TMEM132B: variants seen among roughly 807,000 people sequenced by gnomAD.
The protein encoded by TMEM132B is transmembrane protein 132B.
A neutral mutation model predicts 90.8 loss-of-function variants in TMEM132B; 18 were observed. The observed-to-expected ratio is 0.20, with a 90% CI of 0.14 to 0.29. The LOEUF is 0.29. Ranked by LOEUF, TMEM132B falls within the 10% of genes least tolerant of loss-of-function variation. TMEM132B has a pLI of 1.00. For synonymous variants in TMEM132B, 504 were observed against 523.3 expected, an observed-to-expected ratio of 0.96 and a Z score of 0.50; for missense variants, 1,096 against 1,326.8, an observed-to-expected ratio of 0.83 and a Z score of 2.70.
chr12:125,576,750 A>G (rs1325112174), intron 4 of TMEM132B, among the ~76,000 whole-genome samples: 1 of 151,936 alleles, frequency 6.6e-6, no homozygotes, highest in East Asian at 1.9e-4. Context: ...CCTTTGTTCT[A>G]TAATTAAGGT....
chr12:125,494,205 A>C (rs1261982474), intron 3 of TMEM132B, among the ~76,000 whole-genome samples: 25 of 54,560 alleles, frequency 4.6e-4, no homozygotes, highest in South Asian at 7.2e-4. Flanking sequence ...CTGGAAATGG[A>C]TGCGTCCCCT....
At chr12:125,287,200 C>T (rs565381383) in intron 1 of TMEM132B, among the ~76,000 whole-genome samples, 6 of 152,088 alleles carry the variant, frequency 3.9e-5, no homozygotes, top group South Asian at 2.1e-4. Context: ...TCTGTGGCCC[C>T]GTCTCCTCTG....
At chr12:125,338,708 G>A (rs2136216964) in intron 1 of TMEM132B, among the ~76,000 whole-genome samples, 1 of 152,302 alleles carries the variant, frequency 6.6e-6, no homozygotes, top group Non-Finnish European at 1.5e-5. Context: ...TTCCTCTGCT[G>A]TCCTGCCCAT....
intron 5 of TMEM132B, among the ~76,000 whole-genome samples, chr12:125,607,093 C>T (rs142991229): frequency 1.3e-5 from 2 of 152,222 alleles, no homozygotes; most frequent in African/African-American, 4.8e-5. Flanking sequence ...GTACAGCCTG[C>T]GTATGCTCTG....
chr12:125,195,394 G>GTTTTT (rs36005995), intron 1 of TMEM132B, among the ~76,000 whole-genome samples: 13 of 89,900 alleles, frequency 1.4e-4, no homozygotes, highest in African/African-American at 1.7e-4. Context: ...GGGTTTGCGG[G>GTTTTT]TTTTTTTTTT....
At chr12:125,362,835 C>T (rs326407) in intron 2 of TMEM132B, among the ~76,000 whole-genome samples, 109,954 of 152,140 alleles carry the variant, frequency 0.72, 40,077 homozygotes, top group East Asian at 0.91. Flanking sequence ...AGCGTCCATG[C>T]TGACAACCCC....
intron 3 of TMEM132B, among the ~76,000 whole-genome samples, chr12:125,479,152 A>T (rs1360798829): frequency 1.3e-5 from 2 of 152,248 alleles, no homozygotes; most frequent in Non-Finnish European, 2.9e-5. Flanking sequence ...AGCCACTGCA[A>T]GAACATGCCA....
At position 125,529,597 on chromosome 12, in the gene TMEM132B, G is replaced by A. The variant is rs546800076; in HGVS notation, c.1293+9972G>A. Reference sequence around the variant, plus strand: ...ATTCAGACGGGGGTAGCCTCTGTCTGTGGAGTCTCCAGTGCTGAGTAGGGG... The same window carrying A: ...ATTCAGACGGGGGTAGCCTCTGTCTATGGAGTCTCCAGTGCTGAGTAGGGG... On this transcript the variant is annotated intron_variant, in intron 4 of 8. Transcript: ENST00000682704. Among the ~76,000 whole-genome samples, 268 of 152,266 alleles carry A rather than the reference G, an allele frequency of 1.8e-3. 2 individuals carry two copies. Among genetic ancestry groups the A allele is most frequent in the Non-Finnish European group, 1.4e-3 (96 of 68,018 alleles).
At chr12:125,276,497 C>T (rs976052030) in intron 1 of TMEM132B, among the ~76,000 whole-genome samples, 4 of 152,222 alleles carry the variant, frequency 2.6e-5, no homozygotes, top group African/African-American at 9.7e-5. Context: ...GACGAGTAGG[C>T]CATGGGCTAT....
At chr12:125,444,260 A>G (rs1386498935) in intron 3 of TMEM132B, among the ~76,000 whole-genome samples, 4 of 152,230 alleles carry the variant, frequency 2.6e-5, no homozygotes, top group Non-Finnish European at 5.9e-5. Context: ...ATTGAAAAAC[A>G]TGAAGTTCAA....
At chr12:125,302,913 A>G (rs577566380) in intron 1 of TMEM132B, among the ~76,000 whole-genome samples, 1 of 152,280 alleles carries the variant, frequency 6.6e-6, no homozygotes, top group African/African-American at 2.4e-5. Context: ...CCTGGCCAAC[A>G]TGGTGAAATC....
intron 4 of TMEM132B, among the ~76,000 whole-genome samples, chr12:125,566,485 A>G (rs1267198706): frequency 6.6e-6 from 1 of 152,210 alleles, no homozygotes. Context: ...CATTTCGAGC[A>G]TTTGCTGGAA....
intron 3 of TMEM132B, among the ~76,000 whole-genome samples, chr12:125,509,780 G>A (rs1299939634): frequency 6.6e-6 from 1 of 152,150 alleles, no homozygotes; most frequent in Non-Finnish European, 1.5e-5. Flanking sequence ...AGGTGAAGCT[G>A]CGAATGTTTG....
In TMEM132B at chr12:125,329,219, T is replaced by C. The variant is rs560308155; in HGVS notation, c.68-20233T>C. Reference sequence around the variant, plus strand: ...ATGCATGTCCATAAGGAAGAAGGCATGCACCAGACATCAAATCTGCTGGCG... The same window carrying C: ...ATGCATGTCCATAAGGAAGAAGGCACGCACCAGACATCAAATCTGCTGGCG... On this transcript the variant is annotated intron_variant, in intron 1 of 8. Coordinates refer to ENST00000682704, the MANE Select transcript of TMEM132B (RefSeq NM_001366854.1). Among the ~76,000 whole-genome samples the C allele has an allele frequency of 5.3e-5, 8 of 152,342 alleles. No homozygotes were observed. The East Asian group carries it at 1.5e-3, about 29-fold the overall frequency.
At chr12:125,472,003 G>A (rs1263247436) in intron 3 of TMEM132B, among the ~76,000 whole-genome samples, 2 of 152,158 alleles carry the variant, frequency 1.3e-5, no homozygotes, top group African/African-American at 4.8e-5. Flanking sequence ...ATACCTGGCA[G>A]AGTCTCAGAT....
intron 1 of TMEM132B, among the ~76,000 whole-genome samples, chr12:125,265,299 TTATATAGGCTGTTTTTTCTA>T (rs1874660640): frequency 1.3e-5 from 2 of 151,960 alleles, no homozygotes; most frequent in African/African-American, 4.9e-5. Flanking sequence ...GTACTAAATC[TTATATAGGCTGTTTTTTCTA>T]TACATACATA....
rs965572669 is a variant in TMEM132B, at chr12:125,490,521, T to C, written c.1107-28918T>C. Among the ~76,000 whole-genome samples, 6 of 152,148 alleles carry C rather than the reference T, an allele frequency of 3.9e-5. No individual in the cohort carries two copies. The highest frequency in any genetic ancestry group is 8.8e-5 in the Non-Finnish European group (6 of 68,012). On this transcript the variant is annotated intron_variant, in intron 3 of 8. Coordinates refer to ENST00000682704, the MANE Select transcript of TMEM132B (RefSeq NM_001366854.1). This position sits in a 1 kb window ranked among gnomAD's most constrained non-coding sequence, Gnocchi z 4.2. ...CTCTGTCACCCAGGCTGGAGTGCAG[T>C]GGCTTGATCTCAGCTCACTGCAAGC...
intron 4 of TMEM132B, among the ~76,000 whole-genome samples, chr12:125,534,443 G>A (rs919016866): frequency 6.6e-6 from 1 of 152,196 alleles, no homozygotes; most frequent in African/African-American, 2.4e-5. Flanking sequence ...CTTGCACCCA[G>A]GAGGTCGAGG....
At chr12:125,287,395 G>A (rs1341910371) in intron 1 of TMEM132B, among the ~76,000 whole-genome samples, 1 of 152,078 alleles carries the variant, frequency 6.6e-6, no homozygotes, top group African/African-American at 2.4e-5. Flanking sequence ...TTTGGGGGAG[G>A]CATTTAATTC....
Sources: allele counts gnomAD v4.1 joint callset (sites outside exome capture counted in the v4.1 genomes callset), GRCh38; gene constraint gnomAD v4.1.1; non-coding constraint Gnocchi (gnomAD v3.1); transcripts MANE v1.5; gene names NCBI Gene and HGNC (gene_info 2026-07-23, HGNC 2026-07-21).